The following DENND2C variants were observed in gnomAD, a reference collection of about 807,000 sequenced individuals.
The protein encoded by DENND2C is DENN domain containing 2C.
In DENND2C, 72 loss-of-function variants were observed where a neutral mutation model predicts 112.4. That is an observed-to-expected ratio of 0.64 (90% CI 0.53 to 0.78). The LOEUF is 0.78. Among genes scored for constraint, DENND2C ranks in the 30% least tolerant of loss-of-function variants. The pLI is 0.00. For synonymous variants in DENND2C, 329 were observed against 381.6 expected (o/e 0.86, Z 1.61); for missense variants, 992 against 1,113.8 (o/e 0.89, Z 1.56).
At position 114,594,500 on chromosome 1, in the gene DENND2C, A is replaced by C. The variant is rs1273963945; in HGVS notation, c.2404T>G (p.Leu802Val). The C allele has an allele frequency of 6.2e-7, 1 of 1,614,018 alleles. No individual in the cohort carries two copies. ...MQILEERNEI[L>V]TQEQNFSQDV... ...TGTGAAAAATTCTGCTCCTGAGTCA[A>C]GATTTCATTTCGTTCTTCCAAAATC... is the stretch of plus-strand genomic sequence containing the variant. The change falls in exon 18 of 21, where the codon TTG becomes GTG. Residue 802 changes from leucine (L) to valine (V), a missense_variant. Leu to Val is a conservative substitution (Grantham distance 32). This residue lies in a region of DENND2C where 516 missense variants were observed against 623.6 expected (regional missense o/e 0.83). Coordinates refer to ENST00000393274, the MANE Select transcript of DENND2C (RefSeq NM_001256404.2).
At chr1:114,634,111 T>C (rs953170589) in intron 3 of DENND2C, among the ~76,000 whole-genome samples, 5 of 152,094 alleles carry the variant, frequency 3.3e-5, no homozygotes, top group Middle Eastern at 3.2e-3. Flanking sequence ...CTAATAAGAG[T>C]TTCAAAAATG....
intron 17 of DENND2C, 52 bp from the exon 18 acceptor site, chr1:114,594,630 T>TC: frequency 6.8e-7 from 1 of 1,463,014 alleles, no homozygotes; most frequent in Non-Finnish European, 9.5e-7. Context: ...TTTGAGGGAT[T>TC]AAGTCTCAAA....
intron 7 of DENND2C, among the ~76,000 whole-genome samples, 193 bp downstream of exon 7, chr1:114,621,702 G>A (rs184183636): frequency 4.1e-4 from 62 of 152,296 alleles, no homozygotes; most frequent in Non-Finnish European, 7.4e-5. Context: ...AATCCACAAC[G>A]AAACTCTGGC....
Position 114,583,923 on chromosome 1 carries a change from A to T in DENND2C, c.*1677T>A, listed in dbSNP as rs969123555. ...TTCCAATCACTACTACTACTACTTTAGATATTAAAGGTCTGGATGACTAAG... is the reference window on the plus strand; with the variant it reads ...TTCCAATCACTACTACTACTACTTTTGATATTAAAGGTCTGGATGACTAAG... On this transcript the variant is annotated 3_prime_UTR_variant, in exon 21 of 21. Transcript: ENST00000393274. The T allele has an allele frequency of 6.6e-6, 1 of 151,976 alleles. No homozygotes were observed. The highest frequency in any genetic ancestry group is 1.5e-5 in the Non-Finnish European group (1 of 68,002). The allele number at this position is 151,976 out of a possible 1,614,324, so 9.4% of individuals were successfully genotyped here. A position where few individuals can be genotyped will look rare whatever the true frequency, so the allele number is the denominator to read the frequency against.
At position 114,585,106 on chromosome 1, in the gene DENND2C, C is replaced by G. The variant is rs1655007453; in HGVS notation, c.*494G>C. On this transcript the variant is annotated 3_prime_UTR_variant, in exon 21 of 21. Coordinates refer to ENST00000393274, the MANE Select transcript of DENND2C (RefSeq NM_001256404.2). Reference sequence around the variant, plus strand: ...ATGGAGATATGTGATGAGTCTATTCCTTAGCCCAGGTCAAACAGCCCATGG... The same window carrying G: ...ATGGAGATATGTGATGAGTCTATTCGTTAGCCCAGGTCAAACAGCCCATGG... 1 of 155,232 alleles carries G rather than the reference C, an allele frequency of 6.4e-6. No individual in the cohort carries two copies. The highest frequency in any genetic ancestry group is 1.4e-5 in the Non-Finnish European group (1 of 70,038). The allele number at this position is 155,232 out of a possible 1,614,324, so 9.6% of individuals were successfully genotyped here.
intron 2 of DENND2C, among the ~76,000 whole-genome samples, chr1:114,649,380 T>TTTTTG (rs970795879): frequency 8.6e-5 from 13 of 152,026 alleles, no homozygotes; most frequent in Admixed American, 5.3e-4. Context: ...TTTCCTAGTG[T>TTTTTG]TTTTGTTTTG....
chr1:114,586,522 C>A (rs1253665527), intron 20 of DENND2C, among the ~76,000 whole-genome samples: 1 of 152,038 alleles, frequency 6.6e-6, no homozygotes, highest in Non-Finnish European at 1.5e-5. Context: ...CCACAGACCA[C>A]TCTGATGAGG....
chr1:114,600,568 T>C (rs1024045480), intron 14 of DENND2C, among the ~76,000 whole-genome samples: 3 of 152,198 alleles, frequency 2.0e-5, no homozygotes, highest in Non-Finnish European at 2.9e-5. Flanking sequence ...ATATACAGTC[T>C]TCATTTATCA....
chr1:114,585,682 T>C, intron 20 of DENND2C, 51 bp from the exon 21 acceptor site: 1 of 1,584,188 alleles, frequency 6.3e-7, no homozygotes, highest in South Asian at 1.1e-5. Context: ...TTATTTATTG[T>C]ACATTATTTG....
intron 1 of DENND2C, among the ~76,000 whole-genome samples, chr1:114,655,458 C>A (rs906959421): frequency 3.9e-5 from 6 of 152,060 alleles, no homozygotes; most frequent in Admixed American, 2.0e-4. Context: ...TATGATGCAC[C>A]AAGTGTTTTC....
In DENND2C at chr1:114,669,809, C is replaced by G. The variant is rs577813324; in HGVS notation, c.-574+174G>C. 1.6e-3 allele frequency among the ~76,000 whole-genome samples: 236 copies of G among 152,178 alleles called. 1 individual carries two copies. The highest frequency in any genetic ancestry group is 2.6e-3 in the Non-Finnish European group (176 of 67,986). ...GTTGCTCCTCCGGACGGAGGAGGTG[C>G]CGAGACAGCGGGGCGCGGAGACACC... On this transcript the variant is annotated intron_variant, in intron 1 of 20. Transcript: ENST00000393274.
At chr1:114,622,844 C>T in intron 6 of DENND2C, 143 bp downstream of exon 6, 2 of 416,618 alleles carry the variant, frequency 4.8e-6, no homozygotes, top group Non-Finnish European at 7.8e-6. Context: ...AAAAACAAAA[C>T]AAAAATTAAA....
chr1:114,616,319 A>G (rs1381712229), intron 8 of DENND2C, among the ~76,000 whole-genome samples: 5 of 150,750 alleles, frequency 3.3e-5, no homozygotes, highest in Non-Finnish European at 5.9e-5. Flanking sequence ...TTGAATCCAG[A>G]AGGCAGAGGT....
rs1013566427 is a variant in DENND2C, at chr1:114,647,869, G to A, written c.-316-2310C>T. On this transcript the variant is annotated intron_variant, in intron 2 of 20. Coordinates refer to ENST00000393274, the MANE Select transcript of DENND2C (RefSeq NM_001256404.2). ...GTCACCAGGGCTAGAATGCAATGGC[G>A]CCATCTTGGCTCACTGCAAACTCTG... 3.3e-5 allele frequency among the ~76,000 whole-genome samples: 5 copies of A among 151,590 alleles called. 1 individual carries two copies. The highest frequency in any genetic ancestry group is 3.3e-4 in the Admixed American group (5 of 15,238).
At chr1:114,660,762 A>G (rs1292298977) in intron 1 of DENND2C, among the ~76,000 whole-genome samples, 1 of 152,176 alleles carries the variant, frequency 6.6e-6, no homozygotes, top group African/African-American at 2.4e-5. Context: ...GAGGATCAAC[A>G]ATTTATTTTT....
chr1:114,641,740 G>A (rs1656841811), intron 3 of DENND2C, among the ~76,000 whole-genome samples: 1 of 151,994 alleles, frequency 6.6e-6, no homozygotes. Context: ...CCAGCCTCAG[G>A]TAATCCTTTA....
chr1:114,634,943 G>A (rs1478176635), intron 3 of DENND2C, among the ~76,000 whole-genome samples: 6 of 149,414 alleles, frequency 4.0e-5, no homozygotes, highest in African/African-American at 1.5e-4. Context: ...CACGAGAATC[G>A]CTTGAACCTG....
chr1:114,614,906 C>T (rs779651643), intron 8 of DENND2C, among the ~76,000 whole-genome samples: 11 of 151,716 alleles, frequency 7.3e-5, no homozygotes, highest in Non-Finnish European at 1.2e-4. Context: ...CACAGCTACT[C>T]GGGAGGCTGA....
intron 3 of DENND2C, among the ~76,000 whole-genome samples, chr1:114,629,028 C>T (rs7539721): frequency 0.87 from 133,234 of 152,314 alleles, 58,776 homozygotes; most frequent in African/African-American, 0.96. Flanking sequence ...TTAACAGTTC[C>T]AACAGAAACA....
Sources: gnomAD v4.1 joint callset for allele counts (sites outside exome capture counted in the v4.1 genomes callset) on GRCh38, gnomAD v4.1.1 for gene constraint, gnomAD v4.1.1 regional missense constraint, MANE v1.5 for transcripts, NCBI Gene and HGNC (gene_info 2026-07-23, HGNC 2026-07-21) for gene names.